The following CD163L1 variants were observed in gnomAD, a reference collection of about 807,000 sequenced individuals.
CD163L1 encodes scavenger receptor cysteine-rich type 1 protein M160.
In CD163L1, 124 loss-of-function variants were observed where a neutral mutation model predicts 165.4. The ratio of observed to expected loss-of-function variants is 0.75; its 90% CI spans 0.65 to 0.87. The LOEUF is 0.87. CD163L1 is among the 40% of genes least tolerant of loss of function. The pLI, the probability that CD163L1 is intolerant of heterozygous loss-of-function variation, is 0.00. For missense variants in CD163L1, 1,525 were observed against 1,799.9 expected (o/e 0.85, Z 2.76); for synonymous variants, 585 against 662.2 (o/e 0.88, Z 1.79).
chr12:7,430,365 G>A (rs1321834122), intron 4 of CD163L1, among the ~76,000 whole-genome samples: 3 of 152,132 alleles, frequency 2.0e-5, no homozygotes, highest in Non-Finnish European at 4.4e-5. Flanking sequence ...AGATCACTTA[G>A]AAATTAAAGA....
At chr12:7,401,169 C>T (rs1947909500) in intron 6 of CD163L1, among the ~76,000 whole-genome samples, 1 of 152,084 alleles carries the variant, frequency 6.6e-6, no homozygotes, top group African/African-American at 2.4e-5. Flanking sequence ...TCTATTTCCT[C>T]ACTGTAAAAT....
intron 4 of CD163L1, among the ~76,000 whole-genome samples, chr12:7,416,906 T>G (rs1048725643): frequency 1.3e-5 from 2 of 152,186 alleles, no homozygotes; most frequent in African/African-American, 4.8e-5. Context: ...AACAGGCTCT[T>G]TTTTGGTTCC....
intron 11 of CD163L1, 112 bp downstream of exon 11, chr12:7,375,168 TC>T: frequency 2.9e-6 from 3 of 1,040,136 alleles, no homozygotes; most frequent in Non-Finnish European, 4.2e-6. Flanking sequence ...GTCATGCCTA[TC>T]CCCCCTCCAC....
At chr12:7,365,876 G>C (rs922761323) in intron 18 of CD163L1, among the ~76,000 whole-genome samples, 1 of 151,996 alleles carries the variant, frequency 6.6e-6, no homozygotes, top group Admixed American at 6.6e-5. Flanking sequence ...ACTAAAGATA[G>C]TATTACTATA....
At chr12:7,427,193 A>G (rs1026889994) in intron 4 of CD163L1, among the ~76,000 whole-genome samples, 2 of 152,126 alleles carry the variant, frequency 1.3e-5, no homozygotes, top group African/African-American at 4.8e-5. Flanking sequence ...ACTATAGACT[A>G]AAGGAACCTA....
the CD163L1 span, among the ~76,000 whole-genome samples, chr12:7,337,481 C>A: frequency 5.3e-5 from 8 of 152,044 alleles, no homozygotes; most frequent in Non-Finnish European, 8.8e-5. Context: ...GAGAGAAACA[C>A]AAACAATCCC....
chr12:7,338,183 G>A, the CD163L1 span, among the ~76,000 whole-genome samples: 1 of 152,150 alleles, frequency 6.6e-6, no homozygotes, highest in Non-Finnish European at 1.5e-5. Flanking sequence ...AGGGCAAGGG[G>A]AGGAATAGCA....
At chr12:7,338,082 G>GC in the CD163L1 span, among the ~76,000 whole-genome samples, 2 of 152,072 alleles carry the variant, frequency 1.3e-5, no homozygotes, top group Admixed American at 1.3e-4. Flanking sequence ...ACTGAACACC[G>GC]CATGTTCTCA....
At chr12:7,382,519 A>G (rs955664680) in intron 8 of CD163L1, among the ~76,000 whole-genome samples, 1 of 152,172 alleles carries the variant, frequency 6.6e-6, no homozygotes, top group African/African-American at 2.4e-5. Context: ...CCTGGTATGG[A>G]TCCCCACTGT....
chr12:7,320,574 TGAC>T, the CD163L1 span: 1 of 618,564 alleles, frequency 1.6e-6, no homozygotes, highest in East Asian at 2.8e-5. Context: ...CAGTCACTAG[TGAC>T]AAGTAATAAA....
the CD163L1 span, chr12:7,328,608 T>C: frequency 7.2e-5 from 20 of 278,712 alleles, no homozygotes; most frequent in Admixed American, 2.6e-4. Flanking sequence ...TGATGATGAT[T>C]TGTAGTGTTT....
chr12:7,425,175 C>T (rs1303875824), intron 4 of CD163L1, among the ~76,000 whole-genome samples: 5 of 151,994 alleles, frequency 3.3e-5, no homozygotes, highest in African/African-American at 1.2e-4. Context: ...TCAGAAAGAA[C>T]ACAACACATC....
chr12:7,364,947 C>T (rs1003356662), intron 18 of CD163L1, among the ~76,000 whole-genome samples: 2 of 152,052 alleles, frequency 1.3e-5, no homozygotes, highest in South Asian at 2.1e-4. Context: ...GATGGAACAA[C>T]AGAGGGCCCC....
chr12:7,334,980 T>A, the CD163L1 span, among the ~76,000 whole-genome samples: 4 of 151,910 alleles, frequency 2.6e-5, no homozygotes, highest in Admixed American at 2.0e-4. Flanking sequence ...CACTGCTCAA[T>A]GAAATAAAAG....
chr12:7,397,868 G>A (rs1935726664), intron 7 of CD163L1, among the ~76,000 whole-genome samples: 1 of 152,182 alleles, frequency 6.6e-6, no homozygotes. Flanking sequence ...ATAAAGTTGG[G>A]TCAGGGTGAA....
intron 4 of CD163L1, among the ~76,000 whole-genome samples, chr12:7,420,996 C>CATAT (rs1187492436): frequency 1.6e-5 from 2 of 122,818 alleles, no homozygotes; most frequent in Non-Finnish European, 3.3e-5. Flanking sequence ...TATATATATA[C>CATAT]ATATATATAT....
At chr12:7,408,961 G>A (rs937804608) in intron 4 of CD163L1, among the ~76,000 whole-genome samples, 23 of 151,910 alleles carry the variant, frequency 1.5e-4, no homozygotes, top group African/African-American at 4.6e-4. Context: ...GTCATCCAAG[G>A]GAAAAAAAGA....
intron 2 of CD163L1, 72 bp downstream of exon 2, chr12:7,441,082 T>G (rs1402201697): frequency 2.0e-6 from 2 of 1,022,900 alleles, no homozygotes; most frequent in Non-Finnish European, 3.1e-6. Flanking sequence ...AAATATGCAC[T>G]TAGGGTAGTG....
chr12:7,377,436 TA>T (rs970825353), intron 9 of CD163L1, among the ~76,000 whole-genome samples: 2 of 152,108 alleles, frequency 1.3e-5, no homozygotes, highest in African/African-American at 4.8e-5. Flanking sequence ...CTCCTATCAA[TA>T]AAAAAAATTG....
Sources: allele counts gnomAD v4.1 joint callset (sites outside exome capture counted in the v4.1 genomes callset), GRCh38; gene constraint gnomAD v4.1.1; transcripts MANE v1.5; gene names NCBI Gene and HGNC (gene_info 2026-07-23, HGNC 2026-07-21).